Variants in RPL22 observed in about 807,000 individuals in gnomAD.
The protein encoded by RPL22 is ribosomal protein L22.
In RPL22, 4 loss-of-function variants were observed where a neutral mutation model predicts 16.2. The observed-to-expected ratio is 0.25, with a 90% CI of 0.12 to 0.57. The LOEUF (loss-of-function observed/expected upper bound fraction) is 0.57, where lower values mean the gene tolerates loss of function less well. RPL22 is among the 20% of genes least tolerant of loss of function. The pLI is 0.92. For synonymous variants in RPL22, 43 were observed against 54.8 expected (o/e 0.78, Z 0.95); for missense variants, 83 against 156.1 (o/e 0.53, Z 2.49).
intron 2 of RPL22, 59 bp downstream of exon 2, chr1:6,197,593 T>A (rs1164631328): frequency 1.7e-6 from 2 of 1,150,416 alleles, no homozygotes; most frequent in African/African-American, 3.0e-5. Flanking sequence ...CAGTAGGTTT[T>A]CTCAACAGTA....
At position 6,186,312 on chromosome 1, in the gene RPL22, T is replaced by C. The variant is rs886966223; in HGVS notation, c.*360A>G. The C allele has an allele frequency of 3.8e-6, 1 of 261,590 alleles. No homozygotes were observed. Among genetic ancestry groups the C allele is most frequent in the Non-Finnish European group, 7.3e-6 (1 of 137,398 alleles). 16.2% of individuals were successfully genotyped at this position (261,590 alleles called of 1,614,324 possible). ...CTTTTAATGAATGAGAGAAGCCCAT[T>C]TGTATCCCTGAATCATTGAGAAAAG... On this transcript the variant is annotated 3_prime_UTR_variant, in exon 4 of 4. Coordinates refer to ENST00000234875, the MANE Select transcript of RPL22 (RefSeq NM_000983.4).
chr1:6,192,313 C>G (rs1167795904), intron 3 of RPL22, among the ~76,000 whole-genome samples: 1 of 152,216 alleles, frequency 6.6e-6, no homozygotes, highest in Admixed American at 6.5e-5. Flanking sequence ...TCCCAAAGTG[C>G]TGGGATTACA....
intron 3 of RPL22, among the ~76,000 whole-genome samples, chr1:6,190,200 C>G (rs569970116): frequency 6.6e-6 from 1 of 152,182 alleles, no homozygotes; most frequent in African/African-American, 2.4e-5. Context: ...GCAGGCCGGA[C>G]GCTTTGTACC....
At chr1:6,199,526 C>G in intron 1 of RPL22, 36 bp downstream of exon 1, 8 of 1,553,932 alleles carry the variant, frequency 5.1e-6, no homozygotes, top group Non-Finnish European at 7.0e-6. Context: ...CACGTGCCTC[C>G]CCTGGAGCCG....
At chr1:6,192,653 C>T (rs887818273) in intron 3 of RPL22, among the ~76,000 whole-genome samples, 2 of 152,156 alleles carry the variant, frequency 1.3e-5, no homozygotes, top group African/African-American at 4.8e-5. Context: ...GAGCCGAGAT[C>T]GCGCCATTGC....
chr1:6,192,174 C>T (rs1667660644), intron 3 of RPL22, among the ~76,000 whole-genome samples: 1 of 152,094 alleles, frequency 6.6e-6, no homozygotes, highest in Non-Finnish European at 1.5e-5. Context: ...TTCAGCTCCC[C>T]AAGTGGCTGG....
intron 1 of RPL22, 144 bp downstream of exon 1, chr1:6,199,418 C>G: frequency 7.0e-7 from 1 of 1,424,038 alleles, no homozygotes; most frequent in Non-Finnish European, 9.2e-7. Flanking sequence ...TCGGCAGGGG[C>G]TCTGGCCCGC....
chr1:6,188,253 G>T (rs937641873), intron 3 of RPL22, among the ~76,000 whole-genome samples: 1 of 152,054 alleles, frequency 6.6e-6, no homozygotes, highest in South Asian at 2.1e-4. Flanking sequence ...GTCTGGTCTC[G>T]AACTCCTGGC....
At chr1:6,189,781 C>T (rs1667626766) in intron 3 of RPL22, among the ~76,000 whole-genome samples, 1 of 151,954 alleles carries the variant, frequency 6.6e-6, no homozygotes, top group African/African-American at 2.4e-5. Flanking sequence ...ATTAACCGGG[C>T]GTGGTGGCAG....
At chr1:6,199,261 G>A (rs1667762166) in intron 1 of RPL22, 2 of 523,436 alleles carry the variant, frequency 3.8e-6, no homozygotes, top group Non-Finnish European at 5.7e-6. Flanking sequence ...CCCGGCCGGG[G>A]TCCGAGGACC....
chr1:6,190,601 ACTC>A (rs1667637569), intron 3 of RPL22, among the ~76,000 whole-genome samples: 1 of 151,636 alleles, frequency 6.6e-6, no homozygotes, highest in African/African-American at 2.4e-5. Context: ...CTGGTCTAGA[ACTC>A]CTGACCTCAG....
At position 6,192,218 on chromosome 1, in the gene RPL22, T is replaced by C. The variant is rs115859081; in HGVS notation, c.242+712A>G. Among the ~76,000 whole-genome samples the C allele has an allele frequency of 9.5e-3, 1,440 of 152,190 alleles. 25 individuals are homozygous for C. Among genetic ancestry groups the C allele is most frequent in the African/African-American group, 0.033 (1,371 of 41,516 alleles). ...CACATGTCACCATGCCCAGCTAATT[T>C]TAACTCTTGTAGAGATGGGGGTCTC... is the stretch of plus-strand genomic sequence containing the variant. On this transcript the variant is annotated intron_variant, in intron 3 of 3. Transcript: ENST00000234875.
intron 2 of RPL22, among the ~76,000 whole-genome samples, chr1:6,196,704 T>C (rs1291531645): frequency 1.3e-5 from 2 of 151,832 alleles, no homozygotes; most frequent in African/African-American, 2.4e-5. Context: ...TTAATATTTC[T>C]AGATTGCAAT....
chr1:6,195,637 A>G (rs971686310), intron 2 of RPL22, among the ~76,000 whole-genome samples: 2 of 151,344 alleles, frequency 1.3e-5, no homozygotes, highest in African/African-American at 4.9e-5. Context: ...CTGTAATCTC[A>G]GCTACTCGGG....
chr1:6,191,142 G>A (rs1444144360), intron 3 of RPL22, among the ~76,000 whole-genome samples: 6 of 151,688 alleles, frequency 4.0e-5, no homozygotes, highest in East Asian at 1.9e-4. Context: ...GGTGGATTAC[G>A]AGGTCAGGAG....
intron 3 of RPL22, among the ~76,000 whole-genome samples, chr1:6,189,612 T>TAAAAAAAA (rs550383303): frequency 7.9e-6 from 1 of 125,802 alleles, no homozygotes; most frequent in Admixed American, 7.9e-5. Flanking sequence ...AAAATCAGGT[T>TAAAAAAAA]AAAAAAAAAA....
At chr1:6,192,252 G>A (rs1232764895) in intron 3 of RPL22, among the ~76,000 whole-genome samples, 1 of 152,062 alleles carries the variant, frequency 6.6e-6, no homozygotes, top group East Asian at 1.9e-4. Context: ...TCACTATGTT[G>A]CCCAGGCTGG....
intron 2 of RPL22, among the ~76,000 whole-genome samples, chr1:6,195,844 C>A (rs1187750107): frequency 6.6e-6 from 1 of 152,000 alleles, no homozygotes; most frequent in Non-Finnish European, 1.5e-5. Flanking sequence ...GGGTGGATCA[C>A]CTAAAGTCAG....
intron 3 of RPL22, among the ~76,000 whole-genome samples, chr1:6,188,122 C>T (rs114300540): frequency 0.09 from 13,647 of 152,228 alleles, 831 homozygotes; most frequent in Non-Finnish European, 0.14. Context: ...ACCTCTGCCT[C>T]CAGGATTCAA....
Sources: gnomAD v4.1 joint callset for allele counts (sites outside exome capture counted in the v4.1 genomes callset) on GRCh38, gnomAD v4.1.1 for gene constraint, MANE v1.5 for transcripts, NCBI Gene and HGNC (gene_info 2026-07-23, HGNC 2026-07-21) for gene names.